CADPS2: variants seen among roughly 807,000 people sequenced by gnomAD.
CADPS2 encodes calcium-dependent secretion activator 2.
Under a neutral mutation model 172.5 loss-of-function variants are expected in CADPS2, and 93 were observed. The observed-to-expected ratio is 0.54, with a 90% confidence interval of 0.46 to 0.64. CADPS2 has a LOEUF of 0.64. Ranked by LOEUF, CADPS2 falls within the 30% of genes least tolerant of loss-of-function variation. The pLI is 0.00. For synonymous variants in CADPS2, 546 were observed against 555.2 expected, an observed-to-expected ratio of 0.98 and a Z score of 0.23; for missense variants, 1,420 against 1,565.9, an observed-to-expected ratio of 0.91 and a Z score of 1.57.
At chr7:122,806,196 ACTAT>A (rs1216840067) in intron 1 of CADPS2, among the ~76,000 whole-genome samples, 1 of 152,218 alleles carries the variant, frequency 6.6e-6, no homozygotes, top group African/African-American at 2.4e-5. Context: ...AGGAAAGTTG[ACTAT>A]CTAAATGTTT....
At chr7:122,772,314 A>C (rs1368003814) in intron 1 of CADPS2, among the ~76,000 whole-genome samples, 3 of 152,226 alleles carry the variant, frequency 2.0e-5, no homozygotes, top group Admixed American at 2.0e-4. Context: ...TGTGATTAAC[A>C]TATCACTTCA....
chr7:122,492,691 T>C (rs925927914), intron 9 of CADPS2, among the ~76,000 whole-genome samples: 1 of 151,996 alleles, frequency 6.6e-6, no homozygotes, highest in African/African-American at 2.4e-5. Context: ...GTTTGGTTAG[T>C]GTATTTTTTT....
chr7:122,698,891 TC>T, intron 2 of CADPS2: 1 of 1,598,714 alleles, frequency 6.3e-7, no homozygotes, highest in South Asian at 1.1e-5. Context: ...GTGTTGTTTC[TC>T]CAAGTGCCAA....
intron 2 of CADPS2, among the ~76,000 whole-genome samples, chr7:122,683,076 C>A (rs1461685344): frequency 6.6e-6 from 1 of 152,158 alleles, no homozygotes; most frequent in Admixed American, 6.5e-5. Flanking sequence ...AGAATCAGGT[C>A]ACATGAACAG....
In CADPS2 at chr7:122,764,051, G is replaced by A. The variant is rs188447135; in HGVS notation, c.340-26983C>T. ...ACCTCTAAGATGCTCGAGCTTTTTG[G>A]TCCCCTAGGCACCTCCATTTGGAGC... is the stretch of plus-strand genomic sequence containing the variant. On this transcript the variant is annotated intron_variant, in intron 1 of 29. Coordinates refer to ENST00000449022, the MANE Select transcript of CADPS2 (RefSeq NM_017954.11). Among the ~76,000 whole-genome samples, 5 of 151,972 alleles carry A rather than the reference G, an allele frequency of 3.3e-5. No homozygotes were observed. The East Asian group carries it at 9.7e-4, about 29-fold the overall frequency.
At chr7:122,528,864 A>G (rs1367223147) in intron 8 of CADPS2, among the ~76,000 whole-genome samples, 1 of 152,116 alleles carries the variant, frequency 6.6e-6, no homozygotes, top group Non-Finnish European at 1.5e-5. Context: ...TATTAATTTG[A>G]TACTTTCTTG....
At chr7:122,535,049 T>C (rs1394216954) in intron 8 of CADPS2, among the ~76,000 whole-genome samples, 1 of 152,156 alleles carries the variant, frequency 6.6e-6, no homozygotes, top group East Asian at 1.9e-4. Context: ...GTTCTCCTGA[T>C]TTCTATAATC....
chr7:122,533,573 A>G (rs1563620459), intron 8 of CADPS2, among the ~76,000 whole-genome samples: 1 of 152,116 alleles, frequency 6.6e-6, no homozygotes, highest in Non-Finnish European at 1.5e-5. Context: ...GAATGCATTT[A>G]CCTCTTTGTG....
At chr7:122,775,808 C>G (rs1292210760) in intron 1 of CADPS2, among the ~76,000 whole-genome samples, 1 of 152,092 alleles carries the variant, frequency 6.6e-6, no homozygotes, top group Non-Finnish European at 1.5e-5. Flanking sequence ...TTTTGAAAAT[C>G]TTTTCCTAAC....
intron 8 of CADPS2, among the ~76,000 whole-genome samples, chr7:122,520,622 T>C (rs1211375453): frequency 6.6e-6 from 1 of 152,072 alleles, no homozygotes; most frequent in African/African-American, 2.4e-5. Context: ...CCAGATTTTA[T>C]ATAGAAAAGA....
At chr7:122,843,012 T>G (rs546378248) in intron 1 of CADPS2, among the ~76,000 whole-genome samples, 13 of 152,194 alleles carry the variant, frequency 8.5e-5, no homozygotes, top group Non-Finnish European at 1.0e-4. Flanking sequence ...AACTATCATA[T>G]TTGAATGTGG....
chr7:122,783,827 C>T (rs1401933216), intron 1 of CADPS2, among the ~76,000 whole-genome samples: 1 of 152,194 alleles, frequency 6.6e-6, no homozygotes, highest in Non-Finnish European at 1.5e-5. Flanking sequence ...TAAACTACTC[C>T]GCCTTCCTTT....
At chr7:122,882,283 G>A (rs746456089) in intron 1 of CADPS2, among the ~76,000 whole-genome samples, 1 of 152,044 alleles carries the variant, frequency 6.6e-6, no homozygotes, top group Non-Finnish European at 1.5e-5. Context: ...GTTTAATAAG[G>A]CACAATTTAG....
intron 1 of CADPS2, among the ~76,000 whole-genome samples, chr7:122,798,169 T>C (rs1796814626): frequency 1.3e-5 from 2 of 152,154 alleles, no homozygotes; most frequent in South Asian, 4.1e-4. Flanking sequence ...AGGTTTCCCT[T>C]TCCTTCCCTA....
chr7:122,610,233 T>C (rs927560673), intron 6 of CADPS2, among the ~76,000 whole-genome samples: 1 of 152,026 alleles, frequency 6.6e-6, no homozygotes, highest in South Asian at 2.1e-4. Context: ...ATATTGTTCA[T>C]GCACTTGTTC....
chr7:122,722,608 C>T (rs927990588), intron 2 of CADPS2, among the ~76,000 whole-genome samples: 16 of 137,982 alleles, frequency 1.2e-4, no homozygotes, highest in African/African-American at 4.2e-4. Context: ...GTGAAAATGG[C>T]CATAATGCCC....
At chr7:122,625,726 C>T (rs75060895) in intron 4 of CADPS2, among the ~76,000 whole-genome samples, 1 of 151,930 alleles carries the variant, frequency 6.6e-6, no homozygotes, top group East Asian at 1.9e-4. Context: ...TGCCCACAGC[C>T]GTGGGAGCCA....
rs78143432 is a variant in CADPS2 at position 122,864,487 on chromosome 7, A to G, written c.339+21512T>C. Among the ~76,000 whole-genome samples the G allele has an allele frequency of 3.0e-3, 450 of 152,186 alleles. 3 individuals carry two copies. The highest frequency in any genetic ancestry group is 5.0e-3 in the Non-Finnish European group (343 of 68,008). Reference sequence around the variant, plus strand: ...AAAGTGAAACTCTGTCTCAAAAAACAAAAAAACAAACCAAAAAAACTTATG... The same window carrying G: ...AAAGTGAAACTCTGTCTCAAAAAACGAAAAAACAAACCAAAAAAACTTATG... On this transcript the variant is annotated intron_variant, in intron 1 of 29. Coordinates refer to ENST00000449022, the MANE Select transcript of CADPS2 (RefSeq NM_017954.11).
intron 1 of CADPS2, among the ~76,000 whole-genome samples, chr7:122,769,340 T>A (rs2093644944): frequency 6.6e-6 from 1 of 152,198 alleles, no homozygotes; most frequent in Admixed American, 6.5e-5. Flanking sequence ...TTTCCGTATC[T>A]TGGGAAAGCC....
Sources: gnomAD v4.1 joint callset for allele counts (sites outside exome capture counted in the v4.1 genomes callset) on GRCh38, gnomAD v4.1.1 for gene constraint, MANE v1.5 for transcripts, NCBI Gene and HGNC (gene_info 2026-07-23, HGNC 2026-07-21) for gene names.